The following MMD2 variants were observed in gnomAD, a reference collection of about 807,000 sequenced individuals.
MMD2 encodes monocyte to macrophage differentiation associated 2.
Under a neutral mutation model 33.5 loss-of-function variants are expected in MMD2, and 30 were observed. The observed-to-expected ratio is 0.90, with a 90% CI of 0.67 to 1.22. MMD2 has a LOEUF of 1.22. Among genes scored for constraint, MMD2 ranks in the 50% most tolerant of loss-of-function variants. The pLI is 0.00. For synonymous variants in MMD2, 129 were observed against 123.0 expected (o/e 1.05, Z -0.32); for missense variants, 364 against 325.4 (o/e 1.12, Z -0.91).
chr7:4,917,117 G>A lies in MMD2; in HGVS notation c.291-1038C>T, dbSNP rs564127514. ...ACTAAATTACGTGCCCCTCAAGACT[G>A]TCTGGGAGCTGACATTCTAATGCTA... On this transcript the variant is annotated intron_variant, in intron 3 of 6. Coordinates refer to ENST00000401401, the MANE Select transcript of MMD2 (RefSeq NM_198403.4). Among the ~76,000 whole-genome samples the A allele has an allele frequency of 4.6e-5, 7 of 152,180 alleles. 1 individual carries two copies. The South Asian group carries it at 1.5e-3, about 32-fold the overall frequency.
At position 4,940,326 on chromosome 7, in the gene MMD2, T is replaced by C. The variant is rs1785871619; in HGVS notation, c.48-14794A>G. ...TCTGGCCTGACCCAGCTGGGGTCTA[T>C]GGCCCCCAGAAAGAAGCCTGACCCC... On this transcript the variant is annotated intron_variant, in intron 1 of 6. Transcript: ENST00000401401. This position sits in a 1 kb window ranked among gnomAD's most constrained non-coding sequence, Gnocchi z 5.0. Among the ~76,000 whole-genome samples the C allele has an allele frequency of 6.6e-6, 1 of 152,196 alleles. No individual in the cohort carries two copies. The highest frequency in any genetic ancestry group is 2.4e-5 in the African/African-American group (1 of 41,454).
intron 1 of MMD2, among the ~76,000 whole-genome samples, chr7:4,936,185 C>CA (rs61343659): frequency 0.01 from 848 of 83,766 alleles, 9 homozygotes; most frequent in East Asian, 0.031. Flanking sequence ...AACTCTGTCT[C>CA]AAAAAAAAAA....
intron 4 of MMD2, among the ~76,000 whole-genome samples, chr7:4,913,665 C>G (rs1423877363): frequency 3.4e-5 from 5 of 146,328 alleles, no homozygotes; most frequent in Non-Finnish European, 1.5e-5. Context: ...TTGCACTGAG[C>G]CAAGATCACG....
chr7:4,907,706 ACCAGC>A (rs1784899768), intron 6 of MMD2, 107 bp from the exon 7 acceptor site: 3 of 986,548 alleles, frequency 3.0e-6, no homozygotes, highest in East Asian at 5.0e-5. Context: ...CAGATGGCAA[ACCAGC>A]CCAGACTCCC....
chr7:4,944,208 G>A (rs530263811), intron 1 of MMD2, among the ~76,000 whole-genome samples: 29 of 151,708 alleles, frequency 1.9e-4, no homozygotes, highest in African/African-American at 6.0e-4. Flanking sequence ...CCAGGAGTTC[G>A]AGGCTGCAGT....
chr7:4,914,466 T>C (rs185150523), intron 4 of MMD2, among the ~76,000 whole-genome samples: 10 of 152,342 alleles, frequency 6.6e-5, no homozygotes, highest in Non-Finnish European at 1.2e-4. Context: ...AAATGTATTC[T>C]CCCTGTTTAT....
At chr7:4,921,695 C>T (rs901334577) in intron 2 of MMD2, among the ~76,000 whole-genome samples, 2 of 151,446 alleles carry the variant, frequency 1.3e-5, no homozygotes, top group African/African-American at 4.9e-5. Context: ...ACTCACTGAA[C>T]GCAATCTGCC....
intron 1 of MMD2, among the ~76,000 whole-genome samples, chr7:4,953,278 C>T (rs901718853): frequency 2.0e-5 from 3 of 151,628 alleles, no homozygotes; most frequent in Non-Finnish European, 2.9e-5. Flanking sequence ...TGGTCAGCAC[C>T]GCCTGGCTAC....
intron 1 of MMD2, among the ~76,000 whole-genome samples, chr7:4,933,509 T>G (rs1369493839): frequency 1.3e-5 from 2 of 152,148 alleles, no homozygotes; most frequent in Admixed American, 1.3e-4. Flanking sequence ...CTGGCTTTGT[T>G]GTTGGGCAGG....
intron 2 of MMD2, 45 bp downstream of exon 2, chr7:4,925,406 G>T: frequency 2.8e-6 from 4 of 1,428,422 alleles, no homozygotes; most frequent in Non-Finnish European, 3.8e-6. Flanking sequence ...CCCTTCCCCG[G>T]AAGTGTCCCC....
chr7:4,938,429 C>G (rs981656074), intron 1 of MMD2, among the ~76,000 whole-genome samples: 1 of 152,048 alleles, frequency 6.6e-6, no homozygotes, highest in East Asian at 1.9e-4. Flanking sequence ...TGGGGCATCC[C>G]GTGGTGAGGG....
chr7:4,956,487 C>G (rs1786384306), intron 1 of MMD2, among the ~76,000 whole-genome samples: 1 of 151,598 alleles, frequency 6.6e-6, no homozygotes, highest in African/African-American at 2.4e-5. Context: ...GTGGACTGTA[C>G]AGTTGTAAAG....
intron 1 of MMD2, among the ~76,000 whole-genome samples, chr7:4,926,805 T>G (rs993170640): frequency 6.6e-6 from 1 of 151,938 alleles, no homozygotes; most frequent in Non-Finnish European, 1.5e-5. Flanking sequence ...AGTGCAGTGG[T>G]GCGATCTCGG....
downstream of MMD2, among the ~76,000 whole-genome samples, chr7:4,904,945 A>C (rs1222822931): frequency 6.6e-6 from 1 of 152,204 alleles, no homozygotes; most frequent in African/African-American, 2.4e-5. Flanking sequence ...AGTCAGAGGA[A>C]GGCCAGAAGT....
chr7:4,942,906 G>A (rs6978638), intron 1 of MMD2, among the ~76,000 whole-genome samples: 20,633 of 150,652 alleles, frequency 0.14, 1,698 homozygotes, highest in Admixed American at 0.22. Flanking sequence ...ATGAGCCACC[G>A]CGCCAGGCCC....
rs1053113582 is a variant in MMD2 at position 4,946,065 on chromosome 7, A to G, written c.47+12906T>C. Among the ~76,000 whole-genome samples, 2 of 152,020 alleles carry G rather than the reference A, an allele frequency of 1.3e-5. No individual in the cohort carries two copies. Among genetic ancestry groups the G allele is most frequent in the African/African-American group, 4.8e-5 (2 of 41,452 alleles). On this transcript the variant is annotated intron_variant, in intron 1 of 6. Coordinates refer to ENST00000401401, the MANE Select transcript of MMD2 (RefSeq NM_198403.4). This position sits in a 1 kb window ranked among gnomAD's most constrained non-coding sequence, Gnocchi z 5.0. ...TACACCTCTCTGGGGCAAAATGCAC[A>G]CACTCACACGCACGCACACGCACGC...
intron 1 of MMD2, among the ~76,000 whole-genome samples, chr7:4,932,038 C>T (rs770223214): frequency 6.6e-6 from 1 of 152,200 alleles, no homozygotes; most frequent in Non-Finnish European, 1.5e-5. Context: ...TACCTGCCAC[C>T]AGGTGCAGGC....
rs77179879 is a variant in MMD2 at position 4,958,217 on chromosome 7, G to A, written c.47+754C>T. Among the ~76,000 whole-genome samples the A allele has an allele frequency of 8.2e-3, 1,250 of 152,242 alleles. 92 individuals are homozygous for A. In the East Asian group the frequency reaches 0.18, roughly 22 times the overall value. On this transcript the variant is annotated intron_variant, in intron 1 of 6. Transcript: ENST00000401401. ...ACTGGGGACCGAGGAGCAACTTTAG[G>A]AGGGGATTTTTCATGCCAGCTTCCA...
At chr7:4,949,660 C>T (rs1786186179) in intron 1 of MMD2, among the ~76,000 whole-genome samples, 2 of 151,860 alleles carry the variant, frequency 1.3e-5, no homozygotes, top group Admixed American at 6.6e-5. Context: ...TACAGGCACC[C>T]GCCACCACAC....
Sources: gnomAD v4.1 joint callset for allele counts (sites outside exome capture counted in the v4.1 genomes callset) on GRCh38, gnomAD v4.1.1 for gene constraint, Gnocchi (gnomAD v3.1) non-coding constraint, MANE v1.5 for transcripts, NCBI Gene and HGNC (gene_info 2026-07-23, HGNC 2026-07-21) for gene names.